POU2AF2: variants seen among roughly 807,000 people sequenced by gnomAD.
POU2AF2 encodes the protein POU domain class 2-associating factor 2.
At chr11:111,277,354 G>A in the POU2AF2 span, among the ~76,000 whole-genome samples, 4 of 152,318 alleles carry the variant, frequency 2.6e-5, no homozygotes, top group African/African-American at 9.6e-5. Flanking sequence ...AATTGGGCTG[G>A]GGAGGAGTCG....
the POU2AF2 span, among the ~76,000 whole-genome samples, chr11:111,277,749 C>T: frequency 6.6e-3 from 1,009 of 152,322 alleles, 12 homozygotes; most frequent in African/African-American, 0.023. Context: ...AATGGGACAT[C>T]TCCCTGGGCG....
At chr11:111,266,794 G>A in the POU2AF2 span, among the ~76,000 whole-genome samples, 1 of 152,168 alleles carries the variant, frequency 6.6e-6, no homozygotes. Flanking sequence ...TTTGAGATCA[G>A]AAAAATAAGA....
the POU2AF2 span, among the ~76,000 whole-genome samples, chr11:111,277,264 T>C: frequency 4.6e-5 from 7 of 152,132 alleles, no homozygotes; most frequent in Non-Finnish European, 1.0e-4. Context: ...GAGACAAGAG[T>C]ACAAAAAGCT....
chr11:111,281,543 G>T, the POU2AF2 span: 1 of 1,115,444 alleles, frequency 9.0e-7, no homozygotes. Flanking sequence ...CCAAAACTCT[G>T]CTCCTTTAAA....
chr11:111,261,713 T>C, the POU2AF2 span, among the ~76,000 whole-genome samples: 4 of 152,172 alleles, frequency 2.6e-5, no homozygotes, highest in African/African-American at 9.7e-5. Context: ...ATTTATTTGT[T>C]GATTTATGAA....
chr11:111,284,419 C>A, the POU2AF2 span: 8 of 1,531,494 alleles, frequency 5.2e-6, no homozygotes, highest in Admixed American at 1.9e-5. Flanking sequence ...AAAAGAGGGG[C>A]GAGGCTCGCC....
At chr11:111,247,965 G>C in the POU2AF2 span, among the ~76,000 whole-genome samples, 1 of 140,214 alleles carries the variant, frequency 7.1e-6, no homozygotes, top group South Asian at 2.6e-4. Flanking sequence ...CTCACTGCAA[G>C]CTCCGCCTCC....
the POU2AF2 span, among the ~76,000 whole-genome samples, chr11:111,261,806 C>A: frequency 2.0e-5 from 3 of 152,148 alleles, no homozygotes; most frequent in African/African-American, 7.2e-5. Context: ...AAAATTCCTT[C>A]AAGTTAATAT....
At chr11:111,269,194 G>T in the POU2AF2 span, among the ~76,000 whole-genome samples, 1 of 110,330 alleles carries the variant, frequency 9.1e-6, no homozygotes, top group African/African-American at 3.4e-5. Flanking sequence ...AGCCTACAAA[G>T]AATTTAAAAA....
chr11:111,259,529 T>G, the POU2AF2 span, among the ~76,000 whole-genome samples: 1 of 152,092 alleles, frequency 6.6e-6, no homozygotes, highest in Non-Finnish European at 1.5e-5. Flanking sequence ...TTGGCCAGAC[T>G]GGTCTTGAAC....
At chr11:111,284,452 G>A in the POU2AF2 span, 299 of 1,472,134 alleles carry the variant, frequency 2.0e-4, no homozygotes, top group African/African-American at 4.0e-3. Flanking sequence ...GCTGTGCTTG[G>A]CATCCGGGTT....
At chr11:111,261,730 A>G in the POU2AF2 span, among the ~76,000 whole-genome samples, 1 of 152,242 alleles carries the variant, frequency 6.6e-6, no homozygotes, top group African/African-American at 2.4e-5. Flanking sequence ...TGAACAAAGT[A>G]ACAGCTCTTT....
At chr11:111,267,527 G>A in the POU2AF2 span, among the ~76,000 whole-genome samples, 1 of 152,148 alleles carries the variant, frequency 6.6e-6, no homozygotes, top group African/African-American at 2.4e-5. Context: ...TTTCTTTTCT[G>A]AATATCGGCA....
the POU2AF2 span, among the ~76,000 whole-genome samples, chr11:111,278,353 G>T: frequency 1.3e-5 from 2 of 152,216 alleles, no homozygotes; most frequent in Admixed American, 6.5e-5. Flanking sequence ...TTTGCCTGGA[G>T]AAGTTCGAAC....
chr11:111,263,853 ACTTAAC>A, the POU2AF2 span, among the ~76,000 whole-genome samples: 3 of 152,256 alleles, frequency 2.0e-5, no homozygotes, highest in Non-Finnish European at 4.4e-5. Flanking sequence ...CAGTAAAGTT[ACTTAAC>A]CTTGCTGCTA....
the POU2AF2 span, among the ~76,000 whole-genome samples, chr11:111,280,191 G>A: frequency 3.3e-5 from 5 of 150,852 alleles, no homozygotes; most frequent in African/African-American, 9.8e-5. Context: ...TTTTTCTTAC[G>A]TCTATTATGA....
At chr11:111,272,989 T>A in the POU2AF2 span, among the ~76,000 whole-genome samples, 1 of 152,342 alleles carries the variant, frequency 6.6e-6, no homozygotes, top group Admixed American at 6.5e-5. Flanking sequence ...GCATAGTAGA[T>A]GCTTATAACT....
At chr11:111,258,184 G>A in the POU2AF2 span, among the ~76,000 whole-genome samples, 24 of 152,264 alleles carry the variant, frequency 1.6e-4, no homozygotes, top group East Asian at 1.2e-3. Flanking sequence ...GAGAGAGAGA[G>A]AAGGAATTCA....
the POU2AF2 span, among the ~76,000 whole-genome samples, chr11:111,246,710 T>C: frequency 6.6e-6 from 1 of 152,218 alleles, no homozygotes; most frequent in Non-Finnish European, 1.5e-5. Flanking sequence ...TTGTATTGTG[T>C]ATACTTGAGA....
Sources: gnomAD v4.1 joint callset for allele counts (sites outside exome capture counted in the v4.1 genomes callset) on GRCh38, gnomAD v4.1.1 for gene constraint, MANE v1.5 for transcripts, NCBI Gene and HGNC (gene_info 2026-07-23, HGNC 2026-07-21) for gene names.